Variants in CCDC171 observed in about 807,000 individuals in gnomAD.
CCDC171 encodes the protein coiled-coil domain-containing protein 171.
CCDC171 carries 177 observed loss-of-function variants against 168.2 expected under a neutral mutation model. The ratio of observed to expected loss-of-function variants is 1.05; its 90% CI spans 0.93 to 1.19. The LOEUF (loss-of-function observed/expected upper bound fraction) is 1.19, where lower values mean the gene tolerates loss of function less well. CCDC171 is among the 50% of genes most tolerant of loss of function. The probability of loss-of-function intolerance (pLI) is 0.00; values close to 1 mark genes in which losing one functional copy is unlikely to be tolerated. For synonymous variants in CCDC171, 687 were observed against 540.8 expected (o/e 1.27, Z -3.75); for missense variants, 1,991 against 1,539.0 (o/e 1.29, Z -4.91).
At chr9:15,610,121 A>G (rs1452214727) in intron 6 of CCDC171, among the ~76,000 whole-genome samples, 1 of 151,620 alleles carries the variant, frequency 6.6e-6, no homozygotes, top group Non-Finnish European at 1.5e-5. Context: ...TCCTTGTTTC[A>G]TGTTTGTAAT....
At chr9:15,837,634 T>G (rs1015752788) in intron 21 of CCDC171, among the ~76,000 whole-genome samples, 1 of 152,228 alleles carries the variant, frequency 6.6e-6, no homozygotes, top group African/African-American at 2.4e-5. Context: ...CCAACAGTAC[T>G]TTGAATATGC....
At chr9:15,912,381 T>C (rs1823806378) in intron 24 of CCDC171, among the ~76,000 whole-genome samples, 1 of 152,216 alleles carries the variant, frequency 6.6e-6, no homozygotes, top group Non-Finnish European at 1.5e-5. Flanking sequence ...ATTCTTGTGA[T>C]TTTTGCACAT....
At chr9:15,959,881 G>A (rs562217665) in intron 25 of CCDC171, among the ~76,000 whole-genome samples, 5 of 152,200 alleles carry the variant, frequency 3.3e-5, no homozygotes, top group Non-Finnish European at 7.3e-5. Context: ...AAGGCACTGG[G>A]TTTCAGTCAG....
intron 3 of CCDC171, among the ~76,000 whole-genome samples, chr9:16,015,492 C>G (rs1330009605): frequency 6.6e-6 from 1 of 152,192 alleles, no homozygotes; most frequent in African/African-American, 2.4e-5. Flanking sequence ...CGTCCAGTAT[C>G]TTTCAGCCAA....
At chr9:15,851,938 T>C (rs1033369310) in intron 23 of CCDC171, among the ~76,000 whole-genome samples, 3 of 151,912 alleles carry the variant, frequency 2.0e-5, no homozygotes, top group Admixed American at 2.0e-4. Context: ...CTGAATAATA[T>C]GCCATTGTAT....
rs941363470 is a variant in CCDC171 at position 15,553,224 on chromosome 9, G to A, written c.-190G>A. The A allele has an allele frequency of 3.3e-5, 5 of 153,234 alleles. No individual in the cohort carries two copies. Among genetic ancestry groups the A allele is most frequent in the African/African-American group, 1.2e-4 (5 of 41,448 alleles). The allele number at this position is 153,234 out of a possible 1,614,324, so 9.5% of individuals were successfully genotyped here. ...TTGCTCTTATTCCCGTGGGCTGCCT[G>A]GGCCTCCTTTCACCCGTGAGACTTG... On this transcript the variant is annotated 5_prime_UTR_variant, in exon 1 of 26. Coordinates refer to ENST00000380701, the MANE Select transcript of CCDC171 (RefSeq NM_173550.4).
chr9:15,988,372 A>G (rs1345559326), intron 3 of CCDC171, among the ~76,000 whole-genome samples: 1 of 152,180 alleles, frequency 6.6e-6, no homozygotes, highest in Non-Finnish European at 1.5e-5. Flanking sequence ...TTTTTAAAAT[A>G]TTTCCTCCAG....
intron 21 of CCDC171, among the ~76,000 whole-genome samples, chr9:15,827,211 T>C (rs1237438284): frequency 6.6e-6 from 1 of 152,228 alleles, no homozygotes; most frequent in Non-Finnish European, 1.5e-5. Flanking sequence ...AAATACCTTC[T>C]TTTTTCTCCC....
At chr9:15,968,351 T>A (rs1328278811) in intron 25 of CCDC171, among the ~76,000 whole-genome samples, 1 of 152,194 alleles carries the variant, frequency 6.6e-6, no homozygotes, top group Non-Finnish European at 1.5e-5. Context: ...GAACACTAAC[T>A]TTTAATGTTC....
At chr9:15,596,614 A>C (rs558103169) in intron 6 of CCDC171, among the ~76,000 whole-genome samples, 2 of 151,526 alleles carry the variant, frequency 1.3e-5, no homozygotes, top group Non-Finnish European at 1.5e-5. Flanking sequence ...CTTAGGATTG[A>C]CTTGGCAATG....
intron 6 of CCDC171, among the ~76,000 whole-genome samples, chr9:15,598,867 CTCT>C (rs750557547): frequency 3.9e-5 from 6 of 152,106 alleles, no homozygotes; most frequent in Non-Finnish European, 7.3e-5. Context: ...GGATAGTTAG[CTCT>C]TCTTGTTGAA....
chr9:16,061,989 T>A (rs970936416), downstream of CCDC171, among the ~76,000 whole-genome samples: 5 of 152,140 alleles, frequency 3.3e-5, no homozygotes, highest in East Asian at 1.9e-4. Context: ...AGCTCAAAAA[T>A]TTTTAAAAAT....
rs550243436 is a variant in CCDC171, at chr9:15,601,539, A to G, written c.675+7367A>G. 1.8e-3 allele frequency among the ~76,000 whole-genome samples: 268 copies of G among 152,302 alleles called. 1 individual carries two copies. The highest frequency in any genetic ancestry group is 0.014 in the Middle Eastern group (4 of 294). ...TCATTTACTCGTTCATTCATTCTCT[A>G]AGTACTTACTGAGTTACTGCTCTGG... On this transcript the variant is annotated intron_variant, in intron 6 of 25. Coordinates refer to ENST00000380701, the MANE Select transcript of CCDC171 (RefSeq NM_173550.4).
At chr9:15,759,546 T>A (rs890444287) in intron 18 of CCDC171, among the ~76,000 whole-genome samples, 1 of 152,154 alleles carries the variant, frequency 6.6e-6, no homozygotes, top group Non-Finnish European at 1.5e-5. Context: ...TTTAGTCATG[T>A]TTTTTTAGTC....
intron 9 of CCDC171, among the ~76,000 whole-genome samples, chr9:15,673,707 C>T (rs1310134801): frequency 3.3e-5 from 5 of 152,248 alleles, no homozygotes; most frequent in East Asian, 1.9e-4. Flanking sequence ...CCAACTTGAT[C>T]GTGGTGGATA....
intron 1 of CCDC171, among the ~76,000 whole-genome samples, chr9:16,056,129 T>C (rs62548851): frequency 0.1 from 15,473 of 152,330 alleles, 1,014 homozygotes; most frequent in Non-Finnish European, 0.15. Context: ...CCAAACATTA[T>C]AAATAATCTG....
At chr9:15,664,074 T>G (rs2048533441) in intron 8 of CCDC171, among the ~76,000 whole-genome samples, 2 of 152,060 alleles carry the variant, frequency 1.3e-5, no homozygotes, top group Admixed American at 1.3e-4. Context: ...CATATGGACA[T>G]AGAGTGTAGA....
intron 23 of CCDC171, among the ~76,000 whole-genome samples, chr9:15,858,089 C>G (rs1219401400): frequency 6.6e-6 from 1 of 151,970 alleles, no homozygotes; most frequent in African/African-American, 2.4e-5. Flanking sequence ...ATGATCTTGG[C>G]TCACTGTAGC....
At chr9:15,774,911 G>A (rs2057228740) in intron 18 of CCDC171, among the ~76,000 whole-genome samples, 1 of 152,212 alleles carries the variant, frequency 6.6e-6, no homozygotes, top group Non-Finnish European at 1.5e-5. Context: ...CTATGAGGAT[G>A]CAAAGGCATA....
Sources: gnomAD v4.1 joint callset for allele counts (sites outside exome capture counted in the v4.1 genomes callset) on GRCh38, gnomAD v4.1.1 for gene constraint, MANE v1.5 for transcripts, NCBI Gene and HGNC (gene_info 2026-07-23, HGNC 2026-07-21) for gene names.